The following MAD1L1 variants were observed in gnomAD, a reference collection of about 807,000 sequenced individuals.
MAD1L1 encodes the protein mitotic spindle assembly checkpoint protein MAD1.
Under a neutral mutation model 96.9 loss-of-function variants are expected in MAD1L1, and 95 were observed. That is an observed-to-expected ratio of 0.98 (90% CI 0.83 to 1.16). MAD1L1 has a LOEUF of 1.16. Ranked by LOEUF, MAD1L1 falls within the 50% of genes most tolerant of loss-of-function variation. The probability of loss-of-function intolerance (pLI) is 0.00; values close to 1 mark genes in which losing one functional copy is unlikely to be tolerated. For synonymous variants in MAD1L1, 473 were observed against 396.6 expected (o/e 1.19, Z -2.29); for missense variants, 1,007 against 954.4 (o/e 1.06, Z -0.73).
intron 12 of MAD1L1, among the ~76,000 whole-genome samples, chr7:2,037,475 GCT>G (rs1232519350): frequency 5.9e-5 from 9 of 152,192 alleles, no homozygotes; most frequent in African/African-American, 1.9e-4. Flanking sequence ...TCCCTACACG[GCT>G]CTGTCACATC....
intron 18 of MAD1L1, among the ~76,000 whole-genome samples, chr7:1,897,707 G>T (rs918297956): frequency 6.6e-6 from 1 of 152,244 alleles, no homozygotes; most frequent in Admixed American, 6.5e-5. Context: ...CGCAGGACGC[G>T]AGTGTAGAGA....
intron 18 of MAD1L1, among the ~76,000 whole-genome samples, chr7:1,888,315 TGTGTGTGTGTGC>T (rs1786282312): frequency 7.4e-6 from 1 of 135,824 alleles, no homozygotes; most frequent in Non-Finnish European, 1.6e-5. Context: ...TGACTGCCTA[TGTGTGTGTGTGC>T]ATGCGTGCGG....
rs137922069 is a variant in MAD1L1 at position 1,859,816 on chromosome 7, G to C, written c.1998+38384C>G. The stretch of plus-strand genomic sequence containing the variant: ...TCTCCCTAGACGTGACATCCAGCGG[G>C]GTGGCCTCTGTCTCCCTTAGACATG... On this transcript the variant is annotated intron_variant, in intron 18 of 18. Transcript: ENST00000265854. Among the ~76,000 whole-genome samples, 341 of 151,870 alleles carry C rather than the reference G, an allele frequency of 2.2e-3. 1 individual carries two copies. The highest frequency in any genetic ancestry group is 3.6e-3 in the Non-Finnish European group (245 of 67,912).
At chr7:1,830,456 C>G (rs1385493950) in intron 18 of MAD1L1, among the ~76,000 whole-genome samples, 2 of 152,214 alleles carry the variant, frequency 1.3e-5, no homozygotes. Flanking sequence ...GGAAGAACAG[C>G]TCTACTCCTT....
At chr7:2,205,169 A>G (rs1488773164) in intron 10 of MAD1L1, among the ~76,000 whole-genome samples, 1 of 145,570 alleles carries the variant, frequency 6.9e-6, no homozygotes, top group East Asian at 2.0e-4. Context: ...GTTAAACTTC[A>G]AGGCAAGGAA....
chr7:2,204,810 G>A (rs1033726333), intron 10 of MAD1L1, among the ~76,000 whole-genome samples: 8 of 152,164 alleles, frequency 5.3e-5, no homozygotes, highest in Admixed American at 6.5e-5. Context: ...TAAATACCGA[G>A]GAATGGAACT....
At chr7:1,834,180 G>C (rs1782838106) in intron 18 of MAD1L1, among the ~76,000 whole-genome samples, 1 of 152,084 alleles carries the variant, frequency 6.6e-6, no homozygotes. Flanking sequence ...CACTAGAGCA[G>C]AAACTAGGGG....
intron 11 of MAD1L1, among the ~76,000 whole-genome samples, chr7:2,080,856 G>A (rs925847063): frequency 6.6e-6 from 1 of 152,250 alleles, no homozygotes; most frequent in African/African-American, 2.4e-5. Flanking sequence ...TTCTCGGTTA[G>A]GGACACAAAT....
At chr7:1,986,334 C>A (rs556811641) in intron 14 of MAD1L1, among the ~76,000 whole-genome samples, 1 of 29,444 alleles carries the variant, frequency 3.4e-5, no homozygotes, top group East Asian at 6.3e-4. Context: ...AACCACACGC[C>A]AGTCCAGCTT....
intron 10 of MAD1L1, among the ~76,000 whole-genome samples, chr7:2,179,537 A>G (rs1296580253): frequency 6.6e-6 from 1 of 151,788 alleles, no homozygotes; most frequent in East Asian, 1.9e-4. Context: ...TCAAAAAAAA[A>G]AAAAAAAGAA....
intron 18 of MAD1L1, among the ~76,000 whole-genome samples, chr7:1,843,175 T>C (rs535833265): frequency 9.8e-5 from 15 of 152,312 alleles, no homozygotes; most frequent in Admixed American, 9.1e-4. Context: ...GGTGCCCTCG[T>C]TGCCCTACTC....
Position 2,149,179 on chromosome 7 carries a change from T to A in MAD1L1, c.1046A>T (p.Lys349Met), listed in dbSNP as rs200825763. ...GCTGGTGACGGCGCTGTTCTTGTCC[T>A]TCAAGGCAAGCTCCCTCTGCTGCAG... ...VELQQRELAL[K>M]DKNSAVTSSA... The change falls in exon 11 of 19, where the codon AAG becomes ATG. Residue 349 changes from lysine (K) to methionine (M), a missense_variant. Physicochemically the swap from Lys to Met is moderately conservative, Grantham distance 95. Coordinates refer to ENST00000265854, the MANE Select transcript of MAD1L1 (RefSeq NM_001013836.2). The A allele has an allele frequency of 6.1e-4, 981 of 1,614,110 alleles. No homozygotes were observed. Among genetic ancestry groups the A allele is most frequent in the Non-Finnish European group, 7.8e-4 (922 of 1,180,008 alleles).
intron 18 of MAD1L1, among the ~76,000 whole-genome samples, chr7:1,833,013 A>G (rs1207310102): frequency 3.9e-5 from 6 of 152,244 alleles, no homozygotes; most frequent in East Asian, 3.9e-4. Context: ...CATCACCATC[A>G]AAGCAAGAAC....
chr7:1,896,046 G>A (rs1297466826), intron 18 of MAD1L1, among the ~76,000 whole-genome samples: 5 of 152,224 alleles, frequency 3.3e-5, no homozygotes, highest in East Asian at 1.9e-4. Flanking sequence ...GGGCGAGCCC[G>A]GCCTCCCGTA....
chr7:1,947,460 C>A (rs73671967), intron 16 of MAD1L1, among the ~76,000 whole-genome samples: 5,169 of 152,350 alleles, frequency 0.034, 194 homozygotes, highest in East Asian at 0.087. Context: ...CCTCTCCTGG[C>A]TGAAGGAAAT....
At chr7:2,156,770 G>A (rs1422188154) in intron 10 of MAD1L1, among the ~76,000 whole-genome samples, 2 of 148,608 alleles carry the variant, frequency 1.3e-5, no homozygotes, top group Non-Finnish European at 3.0e-5. Context: ...ACAGTGAGCT[G>A]AGACCACGGT....
At chr7:2,126,624 G>C (rs73037230) in intron 11 of MAD1L1, among the ~76,000 whole-genome samples, 3,846 of 152,296 alleles carry the variant, frequency 0.025, 80 homozygotes, top group Middle Eastern at 0.051. Context: ...CCCAGGCCCA[G>C]CCCAGCTCTG....
rs116007696 is a variant in MAD1L1, at chr7:1,941,031, C to T, written c.1597-4134G>A. On this transcript the variant is annotated intron_variant, in intron 16 of 18. Transcript: ENST00000265854. ...TCTTCCTCCCCAGGCTTCAACACCG[C>T]GGACCTCCTGAAGGGACCTCCAGGT... is the stretch of plus-strand genomic sequence containing the variant. Among the ~76,000 whole-genome samples, 776 of 149,686 alleles carry T rather than the reference C, an allele frequency of 5.2e-3. 10 individuals are homozygous for T. Among genetic ancestry groups the T allele is most frequent in the African/African-American group, 0.019 (747 of 39,818 alleles).
At chr7:2,115,770 G>T (rs927481071) in intron 11 of MAD1L1, among the ~76,000 whole-genome samples, 1 of 152,238 alleles carries the variant, frequency 6.6e-6, no homozygotes, top group African/African-American at 2.4e-5. Context: ...AGGACCTGCC[G>T]CGCATGACCT....
Sources: allele counts gnomAD v4.1 joint callset (sites outside exome capture counted in the v4.1 genomes callset), GRCh38; gene constraint gnomAD v4.1.1; transcripts MANE v1.5; gene names NCBI Gene and HGNC (gene_info 2026-07-23, HGNC 2026-07-21).